Variants in NBPF9 observed in about 807,000 individuals in gnomAD.
The protein encoded by NBPF9 is NBPF member 9.
Under a neutral mutation model 97.8 loss-of-function variants are expected in NBPF9, and 91 were observed. The ratio of observed to expected loss-of-function variants is 0.93; its 90% CI spans 0.79 to 1.11. The LOEUF (loss-of-function observed/expected upper bound fraction) is 1.11. Ranked by LOEUF, NBPF9 falls within the 50% of genes least tolerant of loss-of-function variation. The pLI is 0.00. For missense variants in NBPF9, 992 were observed against 939.5 expected, an observed-to-expected ratio of 1.06 and a Z score of -0.73; for synonymous variants, 334 against 359.5, an observed-to-expected ratio of 0.93 and a Z score of 0.80.
chr1:149,062,176 T>G lies in NBPF9; in HGVS notation c.2168A>C (p.Glu723Ala), dbSNP rs1553650182. 3 of 910,930 alleles carry G rather than the reference T, an allele frequency of 3.3e-6. No homozygotes were observed. In the South Asian group the frequency reaches 3.9e-5, roughly 12 times the overall value. 56.4% of individuals were successfully genotyped at this position (910,930 alleles called of 1,614,324 possible). ...GTAGGGCTGGCCTAAGTCAGGCAGTTCAAGATAACCTGAAGGAGTCGAATA... is the reference window on the plus strand; with the variant it reads ...GTAGGGCTGGCCTAAGTCAGGCAGTGCAAGATAACCTGAAGGAGTCGAATA... The change falls in exon 22 of 30, where the codon GAA (glutamate) becomes GCA (alanine). Residue 723 changes from glutamate (E) to alanine (A), a missense_variant. Physicochemically the swap from Glu to Ala is moderately radical, Grantham distance 107. This residue lies in a region of NBPF9 where 397 missense variants were observed against 213.6 expected (regional missense o/e 1.86). Coordinates refer to ENST00000584027, the Ensembl canonical transcript of NBPF9.
rs1310786792 is a variant in NBPF9 at position 149,067,194 on chromosome 1, C to G, written c.1638-1505G>C. Reference sequence around the variant, plus strand: ...AAAGGGAAACTCATCAGACTAGCAGCAGATCTCTTGGCACAAACCCTACAA... The same window carrying G: ...AAAGGGAAACTCATCAGACTAGCAGGAGATCTCTTGGCACAAACCCTACAA... On this transcript the variant is annotated intron_variant, in intron 17 of 29. Coordinates refer to ENST00000584027, the Ensembl canonical transcript of NBPF9. Among the ~76,000 whole-genome samples, 23 of 135,148 alleles carry G rather than the reference C, an allele frequency of 1.7e-4. 4 individuals carry two copies. Among genetic ancestry groups the G allele is most frequent in the African/African-American group, 6.2e-4 (22 of 35,428 alleles). 88.7% of individuals were successfully genotyped at this position (135,148 alleles called of 152,430 possible).
Position 149,055,868 on chromosome 1 carries a change from G to A in NBPF9, c.3124C>T (p.Pro1042Ser), listed in dbSNP as rs587721841. The A allele has an allele frequency of 9.3e-6, 15 of 1,610,204 alleles. No homozygotes were observed. In the African/African-American group the frequency reaches 1.7e-4, roughly 19 times the overall value. The change falls in exon 30 of 30, where the codon CCT becomes TCT. Residue 1042 changes from proline (P) to serine (S), a missense_variant. Pro to Ser is a moderately conservative substitution (Grantham distance 74). This residue lies in a region of NBPF9 where 397 missense variants were observed against 213.6 expected (regional missense o/e 1.86). Transcript: ENST00000584027. ...TCCAGTGAGTCCTGCAAGACTTCAG[G>A]CTCTTCCACTTCCATCAGCACGCCG...
chr1:149,079,020 T>C (rs2080157746), exon 9 of NBPF9: 3 of 1,512,230 alleles, frequency 2.0e-6, no homozygotes, highest in Admixed American at 1.8e-5. Context: ...GGCTGAGCTT[T>C]TGGACAAGGT....
At chr1:149,089,564 A>G (rs2081278404) in intron 5 of NBPF9, among the ~76,000 whole-genome samples, 1 of 152,284 alleles carries the variant, frequency 6.6e-6, no homozygotes, top group Non-Finnish European at 1.5e-5. Context: ...GATGGAAATG[A>G]GTGGAGAGTG....
At chr1:149,072,652 G>T (rs2079508581) in intron 14 of NBPF9, 66 bp downstream of exon 14, 7 of 1,529,890 alleles carry the variant, frequency 4.6e-6, no homozygotes, top group Non-Finnish European at 6.3e-6. Flanking sequence ...CATTGTGAAA[G>T]TATGGAGGTC....
intron 17 of NBPF9, among the ~76,000 whole-genome samples, chr1:149,067,358 C>T (rs1269315357): frequency 7.9e-5 from 10 of 126,450 alleles, no homozygotes; most frequent in South Asian, 2.7e-4. Flanking sequence ...ATGTGCACAA[C>T]GTGCAGGTTA....
At chr1:149,099,728 T>C (rs1296787244) in intron 3 of NBPF9, among the ~76,000 whole-genome samples, 3 of 152,134 alleles carry the variant, frequency 2.0e-5, no homozygotes, top group Admixed American at 1.3e-4. Flanking sequence ...CTTATGCCTG[T>C]AATCCCAACA....
chr1:149,053,988 A>G (rs1553648135), downstream of NBPF9: 1 of 148,644 alleles, frequency 6.7e-6, no homozygotes, highest in African/African-American at 2.5e-5. Context: ...TCTGCTACAT[A>G]TGGTAAACAT....
At chr1:149,088,165 G>A (rs1193633168) in intron 5 of NBPF9, among the ~76,000 whole-genome samples, 67 of 149,728 alleles carry the variant, frequency 4.5e-4, no homozygotes, top group African/African-American at 1.4e-3. Context: ...CATGTATTTA[G>A]ATGTTACTTT....
intron 25 of NBPF9, chr1:149,059,362 A>G: frequency 2.2e-6 from 1 of 450,048 alleles, no homozygotes; most frequent in Admixed American, 3.5e-5. Flanking sequence ...TGAAGGAGTA[A>G]AAGGACACTC....
chr1:149,074,894 C>A (rs1392142511), intron 12 of NBPF9, among the ~76,000 whole-genome samples: 1 of 151,256 alleles, frequency 6.6e-6, no homozygotes, highest in African/African-American at 2.4e-5. Context: ...TCACTGCAAC[C>A]TCAGCCTCCT....
chr1:149,074,612 A>G, intron 12 of NBPF9, among the ~76,000 whole-genome samples: 1 of 151,292 alleles, frequency 6.6e-6, no homozygotes, highest in Non-Finnish European at 1.5e-5. Flanking sequence ...TAACTGAGGG[A>G]CAGACAAGAC....
intron 10 of NBPF9, among the ~76,000 whole-genome samples, chr1:149,077,621 C>A (rs2080006742): frequency 6.6e-6 from 1 of 152,210 alleles, no homozygotes; most frequent in Non-Finnish European, 1.5e-5. Flanking sequence ...AGGAAGAGAG[C>A]AGCTGGTGTT....
intron 5 of NBPF9, among the ~76,000 whole-genome samples, chr1:149,089,925 CG>C (rs2081306796): frequency 6.7e-6 from 1 of 150,068 alleles, no homozygotes; most frequent in Non-Finnish European, 1.5e-5. Flanking sequence ...ACAGACCGCA[CG>C]GCCCCAGAGT....
chr1:149,084,061 C>T (rs1186285195), intron 5 of NBPF9, among the ~76,000 whole-genome samples: 3 of 150,644 alleles, frequency 2.0e-5, no homozygotes, highest in South Asian at 2.1e-4. Context: ...TTAGAAGCGG[C>T]GGTGCGAGCA....
At chr1:149,065,636 C>A (rs1553651542) in exon 18 of NBPF9, 3 of 1,602,992 alleles carry the variant, frequency 1.9e-6, no homozygotes, top group East Asian at 2.5e-5. Flanking sequence ...AGTCGAATAA[C>A]CTTCATCCCA....
At position 149,061,094 on chromosome 1, in the gene NBPF9, G is replaced by A. The variant is rs1361244498; in HGVS notation, c.2303+238C>T. The A allele has an allele frequency of 1.4e-4, 56 of 414,120 alleles. 16 individuals are homozygous for A. The highest frequency in any genetic ancestry group is 4.3e-4 in the East Asian group (14 of 32,818). 25.7% of individuals were successfully genotyped at this position (414,120 alleles called of 1,614,324 possible). A position where few individuals can be genotyped will look rare whatever the true frequency, so the allele number is the denominator to read the frequency against. On this transcript the variant is annotated intron_variant, in intron 23 of 29. Coordinates refer to ENST00000584027, the Ensembl canonical transcript of NBPF9. ...AATGTGCTCAAATTTCCATGCAGTC[G>A]CCATGAGAATAGAGTTTTTGAAGTC... is the stretch of plus-strand genomic sequence containing the variant.
intron 21 of NBPF9, among the ~76,000 whole-genome samples, chr1:149,062,502 G>C (rs1349296901): frequency 1.4e-5 from 2 of 144,496 alleles, no homozygotes; most frequent in Non-Finnish European, 3.0e-5. Context: ...TCAGCGAATT[G>C]GCCGGGTGAC....
chr1:149,087,101 T>C (rs1424567873), intron 5 of NBPF9, among the ~76,000 whole-genome samples: 5 of 152,032 alleles, frequency 3.3e-5, no homozygotes, highest in African/African-American at 1.2e-4. Context: ...ATTGTTGCAC[T>C]GATTGATCTC....
Sources: gnomAD v4.1 joint callset for allele counts (sites outside exome capture counted in the v4.1 genomes callset) on GRCh38, gnomAD v4.1.1 for gene constraint, gnomAD v4.1.1 regional missense constraint, MANE v1.5 for transcripts, NCBI Gene and HGNC (gene_info 2026-07-23, HGNC 2026-07-21) for gene names.